The following NRXN3 variants were observed in gnomAD, a reference collection of about 807,000 sequenced individuals.
The protein encoded by NRXN3 is neurexin III.
NRXN3 carries 32 observed loss-of-function variants against 137.6 expected under a neutral mutation model. The observed-to-expected ratio is 0.23, with a 90% CI of 0.18 to 0.31. NRXN3 has a LOEUF of 0.31. NRXN3 is among the 10% of genes least tolerant of loss of function. NRXN3 has a pLI of 1.00. For missense variants in NRXN3, 1,574 were observed against 2,062.5 expected (o/e 0.76, Z 4.59); for synonymous variants, 798 against 784.5 (o/e 1.02, Z -0.29).
intron 6 of NRXN3, among the ~76,000 whole-genome samples, 171 bp from the exon 7 acceptor site, chr14:78,709,046 A>G (rs1465413244): frequency 6.6e-6 from 1 of 152,182 alleles, no homozygotes; most frequent in Non-Finnish European, 1.5e-5. Context: ...TGTGCACATC[A>G]GATGTTTCTT....
At chr14:79,261,656 CG>C (rs1568839321) in intron 15 of NRXN3, among the ~76,000 whole-genome samples, 1 of 11,294 alleles carries the variant, frequency 8.9e-5, no homozygotes, top group East Asian at 1.9e-3. Flanking sequence ...GGGGTGGGGG[CG>C]GGGGGATGAC....
intron 15 of NRXN3, among the ~76,000 whole-genome samples, chr14:79,134,059 G>T (rs997158080): frequency 2.6e-5 from 4 of 152,054 alleles, no homozygotes; most frequent in Non-Finnish European, 5.9e-5. Context: ...GAATGCTTGT[G>T]TGCCTTCAAA....
At chr14:79,556,085 A>C (rs141503596) in intron 16 of NRXN3, among the ~76,000 whole-genome samples, 51 of 152,228 alleles carry the variant, frequency 3.4e-4, no homozygotes, top group African/African-American at 1.1e-3. Context: ...CATTATCTAC[A>C]CAGACACCGT....
At chr14:78,833,794 C>T (rs963523306) in intron 10 of NRXN3, among the ~76,000 whole-genome samples, 2 of 151,932 alleles carry the variant, frequency 1.3e-5, no homozygotes, top group African/African-American at 4.8e-5. Flanking sequence ...TTAGTCCTCC[C>T]AACAACCCTG....
intron 16 of NRXN3, among the ~76,000 whole-genome samples, chr14:79,546,358 T>A (rs2097320606): frequency 6.6e-6 from 1 of 152,212 alleles, no homozygotes; most frequent in African/African-American, 2.4e-5. Context: ...AAATAAATGA[T>A]GTTACTACTT....
intron 16 of NRXN3, among the ~76,000 whole-genome samples, chr14:79,548,377 T>G (rs1322960947): frequency 6.6e-6 from 1 of 152,216 alleles, no homozygotes; most frequent in African/African-American, 2.4e-5. Context: ...GTCATTCTTT[T>G]TTATGGCTGC....
chr14:79,572,403 T>A (rs1425349246), intron 16 of NRXN3, among the ~76,000 whole-genome samples: 3 of 152,206 alleles, frequency 2.0e-5, no homozygotes, highest in African/African-American at 4.8e-5. Flanking sequence ...ACAATATTAA[T>A]GAACTTATTT....
chr14:79,845,681 AGAGAGACGGAGACGGG>A (rs2099366261), intron 20 of NRXN3, among the ~76,000 whole-genome samples: 5 of 134,960 alleles, frequency 3.7e-5, no homozygotes, highest in Non-Finnish European at 6.2e-5. Flanking sequence ...GGAGACGGGG[AGAGAGACGGAGACGGG>A]GAGAGAGACG....
At chr14:78,475,635 A>G (rs979966241) in intron 4 of NRXN3, among the ~76,000 whole-genome samples, 1 of 152,216 alleles carries the variant, frequency 6.6e-6, no homozygotes, top group Non-Finnish European at 1.5e-5. Flanking sequence ...TACCGCTGAC[A>G]AATAACAGGG....
At position 79,016,652 on chromosome 14, in the gene NRXN3, A is replaced by G. The variant is rs115537165; in HGVS notation, c.3262+28511A>G. Among the ~76,000 whole-genome samples the G allele has an allele frequency of 7.0e-3, 1,065 of 152,326 alleles. 10 individuals are homozygous for G. The highest frequency in any genetic ancestry group is 0.024 in the African/African-American group (984 of 41,584). ...GAGATTCCAGATGCTACAGGTACAT[A>G]GAGCAGGAGGATTTAACCTAATCTA... On this transcript the variant is annotated intron_variant, in intron 15 of 20. Coordinates refer to ENST00000335750, the MANE Select transcript of NRXN3 (RefSeq NM_001330195.2).
chr14:79,697,402 TAG>T, intron 18 of NRXN3, among the ~76,000 whole-genome samples: 1 of 151,980 alleles, frequency 6.6e-6, no homozygotes. Flanking sequence ...TATGAAGGAA[TAG>T]AGACTTGATT....
rs2098624795 is a variant in NRXN3 at position 79,673,722 on chromosome 14, AAC to A, written c.3616+9777_3616+9778del. On this transcript the variant is annotated intron_variant, in intron 17 of 20. Coordinates refer to ENST00000335750, the MANE Select transcript of NRXN3 (RefSeq NM_001330195.2). ...GTGATGGGTATATGGTGAAAAATGA[AAC>A]ACAGCTCCTGACCTCAAGGATCCTC... Among the ~76,000 whole-genome samples, 4 of 152,114 alleles carry A rather than the reference AAC, an allele frequency of 2.6e-5. No homozygotes were observed. In the South Asian group the frequency reaches 8.3e-4, roughly 31 times the overall value.
intron 1 of NRXN3, among the ~76,000 whole-genome samples, chr14:78,193,621 A>G (rs574892434): frequency 9.5e-4 from 145 of 152,096 alleles, no homozygotes; most frequent in African/African-American, 3.3e-3. Context: ...AATTAGCTGG[A>G]TGTGGTGGCG....
rs7148714 is a variant in NRXN3 at position 79,427,345 on chromosome 14, G to T, written c.3263-39876G>T. 8.7e-3 allele frequency among the ~76,000 whole-genome samples: 1,329 copies of T among 152,078 alleles called. 24 individuals carry two copies. The East Asian group carries it at 0.093, about 11-fold the overall frequency. On this transcript the variant is annotated intron_variant, in intron 15 of 20. Coordinates refer to ENST00000335750, the MANE Select transcript of NRXN3 (RefSeq NM_001330195.2). Reference sequence around the variant, plus strand: ...TAAATTTCCTTTTTCAACTTTCCTCGCAAGGTTTGTCTTTTTATGTGGTAA... The same window carrying T: ...TAAATTTCCTTTTTCAACTTTCCTCTCAAGGTTTGTCTTTTTATGTGGTAA...
At chr14:79,130,682 C>T (rs1235873441) in intron 15 of NRXN3, among the ~76,000 whole-genome samples, 2 of 152,008 alleles carry the variant, frequency 1.3e-5, no homozygotes, top group African/African-American at 2.4e-5. Context: ...TCGAGGAGTA[C>T]CTTTGTGGCG....
At chr14:79,088,063 C>T (rs2048465627) in intron 15 of NRXN3, among the ~76,000 whole-genome samples, 1 of 146,826 alleles carries the variant, frequency 6.8e-6, no homozygotes, top group African/African-American at 2.8e-5. Context: ...CCTTCAAGAA[C>T]AATGCTAGGT....
intron 14 of NRXN3, among the ~76,000 whole-genome samples, chr14:78,973,073 C>A (rs2099449272): frequency 6.6e-6 from 1 of 152,104 alleles, no homozygotes; most frequent in Admixed American, 6.5e-5. Flanking sequence ...TGACAGATAA[C>A]CCAGATCAAT....
rs574720360 is a variant in NRXN3 at position 79,596,303 on chromosome 14, T to TG, written c.3445-67471dup. ...TCCCAGATATATACTAACATGACCT[T>TG]GGGGAAATTGCTTAACTTTTCTAAA... On this transcript the variant is annotated intron_variant, in intron 16 of 20. Transcript: ENST00000335750. 5.3e-5 allele frequency among the ~76,000 whole-genome samples: 8 copies of TG among 152,250 alleles called. No individual in the cohort carries two copies. The East Asian group carries it at 1.5e-3, about 29-fold the overall frequency.
At chr14:79,071,523 C>G (rs1027003561) in intron 15 of NRXN3, among the ~76,000 whole-genome samples, 1 of 152,094 alleles carries the variant, frequency 6.6e-6, no homozygotes, top group African/African-American at 2.4e-5. Flanking sequence ...TTGACCCAAC[C>G]AATGGATTTG....
Sources: allele counts gnomAD v4.1 joint callset (sites outside exome capture counted in the v4.1 genomes callset), GRCh38; gene constraint gnomAD v4.1.1; transcripts MANE v1.5; gene names NCBI Gene and HGNC (gene_info 2026-07-23, HGNC 2026-07-21).